The following DACH2 variants were observed in gnomAD, a reference collection of about 807,000 sequenced individuals.
DACH2 encodes dachshund family transcription factor 2.
A neutral mutation model predicts 35.8 loss-of-function variants in DACH2; 17 were observed. The ratio of observed to expected loss-of-function variants is 0.48; its 90% CI spans 0.33 to 0.71. DACH2 has a LOEUF of 0.71. Among genes scored for constraint, DACH2 ranks in the 30% least tolerant of loss-of-function variants. The probability of loss-of-function intolerance (pLI) is 0.02; values close to 1 mark genes in which losing one functional copy is unlikely to be tolerated. For synonymous variants in DACH2, 195 were observed against 177.3 expected (o/e 1.10, Z -0.79); for missense variants, 469 against 472.7 (o/e 0.99, Z 0.07).
chrX:86,404,976 GC>G (rs1569383450), intron 2 of DACH2, among the ~76,000 whole-genome samples: 1 of 112,421 alleles, frequency 8.9e-6, no homozygotes, highest in Non-Finnish European at 1.9e-5. Flanking sequence ...TGAAGCAGCA[GC>G]CTGAGCTCTA....
chrX:86,205,074 A>G (rs5923509), intron 1 of DACH2, among the ~76,000 whole-genome samples: 2,574 of 111,441 alleles, frequency 0.023, 24 homozygotes, highest in Non-Finnish European at 0.035. Context: ...GTCCAACAAT[A>G]TAATAAAAGA....
At chrX:86,610,418 T>TTTCTTTCTTTCTTTC (rs1491456126) in intron 3 of DACH2, among the ~76,000 whole-genome samples, 64 of 62,173 alleles carry the variant, frequency 1.0e-3, no homozygotes, top group East Asian at 5.6e-3. Context: ...TCTTTCTTTC[T>TTTCTTTCTTTCTTTC]TTTCTTTCTT....
At chrX:86,679,616 C>CTGTGTGTGTGTGTG (rs67988965) in intron 4 of DACH2, among the ~76,000 whole-genome samples, 44 of 96,288 alleles carry the variant, frequency 4.6e-4, no homozygotes, top group African/African-American at 1.6e-3. Flanking sequence ...CTCTCTGTCT[C>CTGTGTGTGTGTGTG]TGTGTGTGTG....
At chrX:86,414,249 A>T (rs763447943) in intron 2 of DACH2, among the ~76,000 whole-genome samples, 39 of 111,268 alleles carry the variant, frequency 3.5e-4, no homozygotes, top group Non-Finnish European at 6.6e-4. Flanking sequence ...TCTGTTTGTA[A>T]AAATTAAGTA....
intron 2 of DACH2, among the ~76,000 whole-genome samples, chrX:86,442,960 C>T (rs2037195118): frequency 8.9e-6 from 1 of 111,816 alleles, no homozygotes; most frequent in African/African-American, 3.3e-5. Context: ...CAGTACCATG[C>T]TGTTTTGGTT....
chrX:86,449,342 T>A (rs1602531281), intron 2 of DACH2, among the ~76,000 whole-genome samples: 1 of 101,282 alleles, frequency 9.9e-6, no homozygotes, highest in Admixed American at 1.1e-4. Context: ...TCTGCTAGCT[T>A]TTGAATGTGT....
Position 86,483,778 on chromosome X carries a change from G to T in DACH2, c.528-30501G>T, listed in dbSNP as rs1024246877. ...GCCTGGGAGGCGGAGGCTTCAGTGAGCCGTAATCATGTCACTGTACCCCAG... is the reference window on the plus strand; with the variant it reads ...GCCTGGGAGGCGGAGGCTTCAGTGATCCGTAATCATGTCACTGTACCCCAG... On this transcript the variant is annotated intron_variant, in intron 2 of 11. Transcript: ENST00000373125. 2.1e-4 allele frequency among the ~76,000 whole-genome samples: 23 copies of T among 110,949 alleles called. No individual in the cohort carries two copies. The Admixed American group carries it at 2.1e-3, about 10-fold the overall frequency.
intron 1 of DACH2, among the ~76,000 whole-genome samples, chrX:86,317,601 G>A (rs988393601): frequency 8.9e-6 from 1 of 112,160 alleles, no homozygotes; most frequent in East Asian, 2.8e-4. Context: ...ATAGGACTGA[G>A]CTGTTTGCAA....
intron 1 of DACH2, among the ~76,000 whole-genome samples, chrX:86,264,926 C>T (rs1361222055): frequency 1.8e-5 from 2 of 110,651 alleles, no homozygotes; most frequent in Non-Finnish European, 3.8e-5. Flanking sequence ...TGGGAAACAT[C>T]CTTTATCATT....
chrX:86,493,691 A>G (rs941019956), intron 2 of DACH2, among the ~76,000 whole-genome samples: 21 of 111,884 alleles, frequency 1.9e-4, no homozygotes, highest in Non-Finnish European at 2.4e-4. Context: ...ATTCCTATAG[A>G]CATTAAAAGA....
chrX:86,714,402 A>G (rs2041312208), intron 5 of DACH2, 146 bp from the exon 6 acceptor site: 3 of 354,442 alleles, frequency 8.5e-6, no homozygotes, highest in South Asian at 1.1e-4. Flanking sequence ...ATAAAATAAC[A>G]CAGGTACTAT....
intron 7 of DACH2, among the ~76,000 whole-genome samples, chrX:86,782,621 T>C (rs1421167044): frequency 8.9e-6 from 1 of 111,883 alleles, no homozygotes; most frequent in Non-Finnish European, 1.9e-5. Flanking sequence ...AGCCAATTTA[T>C]TTTTGACAAA....
chrX:86,694,390 C>T (rs1055726356), intron 4 of DACH2, among the ~76,000 whole-genome samples: 2 of 111,964 alleles, frequency 1.8e-5, no homozygotes, highest in Non-Finnish European at 3.8e-5. Flanking sequence ...AATAGCTATG[C>T]CAATGTAGAT....
At chrX:86,312,988 A>G (rs926062108) in intron 1 of DACH2, among the ~76,000 whole-genome samples, 1 of 111,675 alleles carries the variant, frequency 9.0e-6, no homozygotes, top group Admixed American at 9.5e-5. Flanking sequence ...TTCTGGTGTT[A>G]TATTGTGCAG....
At chrX:86,256,382 T>C (rs2033519329) in intron 1 of DACH2, among the ~76,000 whole-genome samples, 1 of 111,564 alleles carries the variant, frequency 9.0e-6, no homozygotes, top group South Asian at 3.7e-4. Context: ...AGAATTATAA[T>C]AAAAGAAAAA....
intron 2 of DACH2, among the ~76,000 whole-genome samples, chrX:86,465,543 A>G (rs777072920): frequency 8.1e-5 from 9 of 111,704 alleles, no homozygotes; most frequent in Non-Finnish European, 1.5e-4. Flanking sequence ...TGTACATATA[A>G]TGTTGTGGAA....
chrX:86,229,970 G>T (rs1222732725), intron 1 of DACH2, among the ~76,000 whole-genome samples: 1 of 110,626 alleles, frequency 9.0e-6, no homozygotes, highest in African/African-American at 3.3e-5. Flanking sequence ...TTTTTCTCTT[G>T]TCTGATTTCT....
intron 1 of DACH2, among the ~76,000 whole-genome samples, chrX:86,165,836 A>G (rs925377453): frequency 1.8e-5 from 2 of 111,184 alleles, no homozygotes; most frequent in Non-Finnish European, 3.8e-5. Context: ...TTTTAACTGG[A>G]TGCAATCCCA....
chrX:86,583,460 C>T lies in DACH2; in HGVS notation c.641-67576C>T, dbSNP rs757150097. ...AGATATGATTCTATACCTAGAAAAT[C>T]CCATTGTCTTTGCCCAAAAGCTCCT... On this transcript the variant is annotated intron_variant, in intron 3 of 11. Coordinates refer to ENST00000373125, the MANE Select transcript of DACH2 (RefSeq NM_053281.3). Among the ~76,000 whole-genome samples, 69 of 110,881 alleles carry T rather than the reference C, an allele frequency of 6.2e-4. 1 individual carries two copies. The highest frequency in any genetic ancestry group is 1.1e-3 in the Non-Finnish European group (58 of 52,741).
Sources: allele counts gnomAD v4.1 joint callset (sites outside exome capture counted in the v4.1 genomes callset), GRCh38; gene constraint gnomAD v4.1.1; transcripts MANE v1.5; gene names NCBI Gene and HGNC (gene_info 2026-07-23, HGNC 2026-07-21).